PPP1CC: variants seen among roughly 807,000 people sequenced by gnomAD.
The protein encoded by PPP1CC is protein phosphatase 1 catalytic subunit gamma, also known as serine/threonine-protein phosphatase PP1-gamma catalytic subunit.
Under a neutral mutation model 38.4 loss-of-function variants are expected in PPP1CC, and 16 were observed. That is an observed-to-expected ratio of 0.42 (90% CI 0.28 to 0.63). The LOEUF (loss-of-function observed/expected upper bound fraction) is 0.63, where lower values mean the gene tolerates loss of function less well. Among genes scored for constraint, PPP1CC ranks in the 30% least tolerant of loss-of-function variants. The pLI, the probability that PPP1CC is intolerant of heterozygous loss-of-function variation, is 0.25. For synonymous variants in PPP1CC, 158 were observed against 136.0 expected, an observed-to-expected ratio of 1.16 and a Z score of -1.13; for missense variants, 170 against 391.3, an observed-to-expected ratio of 0.43 and a Z score of 4.77.
At chr12:110,713,901 C>G in the PPP1CC span, among the ~76,000 whole-genome samples, 1 of 152,148 alleles carries the variant, frequency 6.6e-6, no homozygotes, top group Non-Finnish European at 1.5e-5. Flanking sequence ...GGGTTTGAGA[C>G]CAGCCTGGCC....
the PPP1CC span, among the ~76,000 whole-genome samples, chr12:110,712,276 G>A: frequency 1.9e-4 from 29 of 151,682 alleles, no homozygotes; most frequent in Non-Finnish European, 3.7e-4. Flanking sequence ...TAAGTGACAC[G>A]GGACCATATA....
the PPP1CC span, among the ~76,000 whole-genome samples, chr12:110,713,913 A>G: frequency 6.6e-6 from 1 of 152,152 alleles, no homozygotes; most frequent in Non-Finnish European, 1.5e-5. Flanking sequence ...AGCCTGGCCA[A>G]CATGGTGAAA....
chr12:110,709,359 G>C, the PPP1CC span, among the ~76,000 whole-genome samples: 34 of 151,840 alleles, frequency 2.2e-4, 1 homozygote, highest in African/African-American at 7.7e-4. Context: ...CTCCCGAGTA[G>C]CTGGGATTAC....
At chr12:110,712,079 G>T in the PPP1CC span, among the ~76,000 whole-genome samples, 1 of 152,116 alleles carries the variant, frequency 6.6e-6, no homozygotes, top group East Asian at 1.9e-4. Context: ...ATTTATATAT[G>T]TTTAGATACA....
intron 1 of PPP1CC, among the ~76,000 whole-genome samples, chr12:110,735,735 T>C (rs1566087666): frequency 2.0e-5 from 3 of 150,768 alleles, no homozygotes; most frequent in Admixed American, 6.6e-5. Flanking sequence ...TGAGCCGAGA[T>C]TGTGCCACTG....
downstream of PPP1CC, among the ~76,000 whole-genome samples, chr12:110,716,069 C>A (rs2069684768): frequency 6.6e-6 from 1 of 151,634 alleles, no homozygotes. Flanking sequence ...TGTTCCATCC[C>A]AATAGCAAGG....
At chr12:110,727,723 T>G (rs183360226) in intron 3 of PPP1CC, among the ~76,000 whole-genome samples, 16 of 152,300 alleles carry the variant, frequency 1.1e-4, no homozygotes, top group African/African-American at 3.8e-4. Flanking sequence ...ACTTTTCATT[T>G]TAATAAAATT....
downstream of PPP1CC, among the ~76,000 whole-genome samples, chr12:110,716,312 G>A (rs1029814860): frequency 3.3e-5 from 5 of 151,542 alleles, no homozygotes; most frequent in Non-Finnish European, 7.4e-5. Flanking sequence ...ACTTATGTAG[G>A]TAAAATTCTA....
chr12:110,729,995 T>A (rs1473187320), intron 3 of PPP1CC, among the ~76,000 whole-genome samples: 2 of 152,268 alleles, frequency 1.3e-5, no homozygotes, highest in Non-Finnish European at 2.9e-5. Flanking sequence ...CTTCCTAATC[T>A]GATCATCACA....
rs780693867 is a variant in PPP1CC, at chr12:110,720,247, A to G, written c.*829T>C. The G allele has an allele frequency of 3.4e-6, 5 of 1,459,750 alleles. No individual in the cohort carries two copies. The highest frequency in any genetic ancestry group is 3.7e-6 in the Non-Finnish European group (4 of 1,079,032). The allele number at this position is 1,459,750 out of a possible 1,614,324, so 90.4% of individuals were successfully genotyped here. On this transcript the variant is annotated 3_prime_UTR_variant, in exon 7 of 7. Coordinates refer to ENST00000335007, the MANE Select transcript of PPP1CC (RefSeq NM_002710.4). ...AATGAATAGACTATATGGAAATTGT[A>G]TAAAATGTTATTACCTTTTATCGTT...
chr12:110,715,941 C>T (rs2069683756), downstream of PPP1CC, among the ~76,000 whole-genome samples: 1 of 151,908 alleles, frequency 6.6e-6, no homozygotes, highest in Non-Finnish European at 1.5e-5. Context: ...CTTCTTAGCA[C>T]CACCTGTCGC....
At chr12:110,731,516 T>C (rs1409735790) in intron 2 of PPP1CC, among the ~76,000 whole-genome samples, 3 of 152,148 alleles carry the variant, frequency 2.0e-5, no homozygotes, top group African/African-American at 4.8e-5. Flanking sequence ...TCTCCATTCT[T>C]AGTTTCATTT....
chr12:110,729,823 G>A (rs924768545), intron 3 of PPP1CC, among the ~76,000 whole-genome samples: 2 of 152,050 alleles, frequency 1.3e-5, no homozygotes, highest in Non-Finnish European at 2.9e-5. Context: ...ACTACAAATC[G>A]CTGAATTGTA....
At chr12:110,712,635 CAAAAAAAAAAAAA>C in the PPP1CC span, among the ~76,000 whole-genome samples, 5 of 37,666 alleles carry the variant, frequency 1.3e-4, no homozygotes, top group African/African-American at 5.8e-4. Flanking sequence ...GAAACTGTCT[CAAAAAAAAAAAAA>C]AAAAAAAAAA....
chr12:110,729,255 T>C (rs2069844786), intron 3 of PPP1CC, among the ~76,000 whole-genome samples: 1 of 144,206 alleles, frequency 6.9e-6, no homozygotes, highest in African/African-American at 2.6e-5. Flanking sequence ...ACTACTGTGG[T>C]GTGATTTTGG....
At chr12:110,732,172 G>A (rs2069880192) in intron 1 of PPP1CC, 3 of 520,636 alleles carry the variant, frequency 5.8e-6, no homozygotes, top group Non-Finnish European at 1.0e-5. Flanking sequence ...AAACAGGACT[G>A]CAGGCCAGAT....
Position 110,722,987 on chromosome 12 carries a change from ACT to A in PPP1CC, c.524-294_524-293del, listed in dbSNP as rs1283718414. 6.6e-6 allele frequency among the ~76,000 whole-genome samples: 1 copy of A among 151,946 alleles called. No homozygotes were observed. The highest frequency in any genetic ancestry group is 1.5e-5 in the Non-Finnish European group (1 of 67,990). The stretch of plus-strand genomic sequence containing the variant: ...AAAATAAAATCCAGTGATTTAAAAA[ACT>A]CTTCTATGGGCTTCCCCCAGTTGAT... On this transcript the variant is annotated intron_variant, in intron 4 of 6. Transcript: ENST00000335007. This position sits in a 1 kb window ranked among gnomAD's most constrained non-coding sequence, Gnocchi z 5.4.
rs766775002 is a variant in PPP1CC at position 110,720,251 on chromosome 12, A to G, written c.*825T>C. 7.3e-4 allele frequency: 1,059 copies of G among 1,454,424 alleles called. No homozygotes were observed. The highest frequency in any genetic ancestry group is 9.4e-4 in the Non-Finnish European group (1,005 of 1,074,282). 90.1% of individuals were successfully genotyped at this position (1,454,424 alleles called of 1,614,324 possible). ...AATAGACTATATGGAAATTGTATAA[A>G]ATGTTATTACCTTTTATCGTTAGTA... On this transcript the variant is annotated 3_prime_UTR_variant, in exon 7 of 7. Transcript: ENST00000335007.
At position 110,730,737 on chromosome 12, in the gene PPP1CC, A is replaced by G. The variant is rs113793806; in HGVS notation, c.210T>C (p.Tyr70=). The G allele has an allele frequency of 3.8e-4, 609 of 1,613,242 alleles. 3 individuals carry two copies. In the African/African-American group the frequency reaches 6.2e-3, roughly 16 times the overall value. The change falls in exon 3 of 7, where the codon TAT becomes TAC. Residue 70 remains tyrosine (Y), a synonymous_variant. Coordinates refer to ENST00000335007, the MANE Select transcript of PPP1CC (RefSeq NM_002710.4). ...CGTACTCAAAAAGTCGCAGCAAATCATAGTATTGTCCATGGATGTCACCTG... is the reference window on the plus strand; with the variant it reads ...CGTACTCAAAAAGTCGCAGCAAATCGTAGTATTGTCCATGGATGTCACCTG... ...KICGDIHGQY[Y]DLLRLFEYGG...
Sources: allele counts gnomAD v4.1 joint callset (sites outside exome capture counted in the v4.1 genomes callset), GRCh38; gene constraint gnomAD v4.1.1; non-coding constraint Gnocchi (gnomAD v3.1); transcripts MANE v1.5; gene names NCBI Gene and HGNC (gene_info 2026-07-23, HGNC 2026-07-21).